The following ASMTL variants were observed in gnomAD, a reference collection of about 807,000 sequenced individuals.
ASMTL encodes acetylserotonin O-methyltransferase like.
Under a neutral mutation model 60.3 loss-of-function variants are expected in ASMTL, and 57 were observed. That is an observed-to-expected ratio of 0.95 (90% CI 0.76 to 1.18). The LOEUF (loss-of-function observed/expected upper bound fraction) is 1.18, where lower values mean the gene tolerates loss of function less well. ASMTL is among the 50% of genes most tolerant of loss of function. The pLI is 0.00. For synonymous variants in ASMTL, 419 were observed against 373.0 expected, an observed-to-expected ratio of 1.12 and a Z score of -1.42; for missense variants, 981 against 852.6, an observed-to-expected ratio of 1.15 and a Z score of -1.88.
chrX:1,415,839 C>T (rs770073177), intron 11 of ASMTL, among the ~76,000 whole-genome samples: 39 of 152,230 alleles, frequency 2.6e-4, no homozygotes, highest in African/African-American at 8.4e-4. Context: ...GACCCACGGA[C>T]GCACAGACAC....
At chrX:1,417,482 C>T (rs6645289) in intron 11 of ASMTL, among the ~76,000 whole-genome samples, 37,801 of 149,068 alleles carry the variant, frequency 0.25, 5,079 homozygotes, top group Non-Finnish European at 0.3. Flanking sequence ...TACATATGCA[C>T]GGAAGACACA....
At chrX:1,429,302 A>C (rs2090704926) in intron 6 of ASMTL, among the ~76,000 whole-genome samples, 1 of 150,784 alleles carries the variant, frequency 6.6e-6, no homozygotes, top group Non-Finnish European at 1.5e-5. Context: ...GCTCCCTCAA[A>C]ATTCTGGGCT....
intron 8 of ASMTL, among the ~76,000 whole-genome samples, chrX:1,424,554 A>G (rs376400364): frequency 0.038 from 3,521 of 92,132 alleles, 144 homozygotes; most frequent in African/African-American, 0.099. Flanking sequence ...CCATCCATCC[A>G]TCCATCTGTC....
intron 7 of ASMTL, among the ~76,000 whole-genome samples, chrX:1,426,704 T>G (rs1215675757): frequency 1.3e-5 from 2 of 152,162 alleles, no homozygotes; most frequent in African/African-American, 4.8e-5. Context: ...AGTACAAAAA[T>G]TAGCCGGGCT....
At chrX:1,431,678 A>G (rs189309425) in intron 6 of ASMTL, among the ~76,000 whole-genome samples, 9 of 147,352 alleles carry the variant, frequency 6.1e-5, no homozygotes, top group African/African-American at 2.2e-4. Context: ...TATAATTAAT[A>G]GAATATATAA....
At chrX:1,443,107 T>TCATCGTGGACACACACCGC (rs1569534691) in intron 1 of ASMTL, among the ~76,000 whole-genome samples, 9 of 67,164 alleles carry the variant, frequency 1.3e-4, no homozygotes, top group South Asian at 7.3e-4. Context: ...ACACACACCG[T>TCATCGTGGACACACACCGC]CGTCGTGGAC....
In ASMTL at chrX:1,403,585, G is replaced by A. The variant is rs73618967; in HGVS notation, c.1646-96C>T. On this transcript the variant is annotated intron_variant, in intron 12 of 12. Transcript: ENST00000381317. ...ACAGCAGGCAACAGGAGCTCAGAAC[G>A]GTGAGCAGAGGCTGCTGAGAACCCT... 6,431 of 1,135,924 alleles carry A rather than the reference G, an allele frequency of 5.7e-3. 270 individuals carry two copies. The African/African-American group carries it at 0.085, about 15-fold the overall frequency. 70.4% of individuals were successfully genotyped at this position (1,135,924 alleles called of 1,614,324 possible). A position where few individuals can be genotyped will look rare whatever the true frequency, so the allele number is the denominator to read the frequency against.
chrX:1,424,286 A>G (rs2090553264), intron 8 of ASMTL, among the ~76,000 whole-genome samples: 1 of 146,356 alleles, frequency 6.8e-6, no homozygotes, highest in Admixed American at 6.9e-5. Flanking sequence ...CCATCCACCC[A>G]TCCAACCACC....
chrX:1,420,265 A>G (rs1291842823), intron 9 of ASMTL, among the ~76,000 whole-genome samples: 6 of 142,322 alleles, frequency 4.2e-5, no homozygotes, highest in Admixed American at 3.5e-4. Context: ...GTCTCACTCT[A>G]TCTCTGTCTC....
At chrX:1,435,326 G>T in intron 4 of ASMTL, 1 of 620,284 alleles carries the variant, frequency 1.6e-6, no homozygotes, top group Non-Finnish European at 2.9e-6. Context: ...GCAGCTCTCA[G>T]CTGGGCCTAT....
intron 6 of ASMTL, among the ~76,000 whole-genome samples, chrX:1,429,084 G>A (rs1235126297): frequency 6.6e-6 from 1 of 151,514 alleles, no homozygotes; most frequent in Non-Finnish European, 1.5e-5. Flanking sequence ...TAGTAGAGAC[G>A]GGGTTTCACC....
chrX:1,442,482 C>G (rs1476569460), intron 1 of ASMTL, 165 bp from the exon 2 acceptor site: 2 of 302,624 alleles, frequency 6.6e-6, no homozygotes, highest in African/African-American at 4.5e-5. Flanking sequence ...GGCTGGGGAG[C>G]CGGGGACTGA....
intron 3 of ASMTL, 110 bp from the exon 4 acceptor site, chrX:1,435,868 C>CA: frequency 2.1e-6 from 2 of 952,484 alleles, no homozygotes; most frequent in Admixed American, 3.6e-5. Flanking sequence ...ATGAAGCTGA[C>CA]ACGTCCTGAG....
intron 6 of ASMTL, among the ~76,000 whole-genome samples, chrX:1,430,633 G>T (rs1392318300): frequency 1.3e-5 from 2 of 151,668 alleles, no homozygotes; most frequent in Non-Finnish European, 1.5e-5. Context: ...TTAGCCAGGC[G>T]TGGTGGTATG....
At chrX:1,449,736 C>A (rs1274453666) in intron 1 of ASMTL, among the ~76,000 whole-genome samples, 3 of 137,366 alleles carry the variant, frequency 2.2e-5, no homozygotes, top group Non-Finnish European at 3.0e-5. Flanking sequence ...TCACCAGTAA[C>A]TATCCCCCAT....
At chrX:1,419,611 C>T (rs1299345563) in intron 9 of ASMTL, among the ~76,000 whole-genome samples, 2 of 152,050 alleles carry the variant, frequency 1.3e-5, no homozygotes, top group Non-Finnish European at 1.5e-5. Flanking sequence ...GTGGCACCTA[C>T]CCCGGGTCCC....
At chrX:1,432,240 C>A (rs1389768264) in intron 6 of ASMTL, 29 bp downstream of exon 6, 2 of 1,563,988 alleles carry the variant, frequency 1.3e-6, no homozygotes, top group East Asian at 4.5e-5. Context: ...ACACGTGTCC[C>A]CCGTCCCCCC....
chrX:1,417,619 A>T (rs1402330731), intron 11 of ASMTL, among the ~76,000 whole-genome samples: 1 of 151,776 alleles, frequency 6.6e-6, no homozygotes, highest in Non-Finnish European at 1.5e-5. Flanking sequence ...GCAGACACAC[A>T]CACACAGACA....
intron 11 of ASMTL, chrX:1,414,128 C>G (rs1243759151): frequency 2.0e-5 from 3 of 151,190 alleles, no homozygotes; most frequent in African/African-American, 7.3e-5. Context: ...AGGAGAAGGC[C>G]ACGTGGAGAT....
Sources: gnomAD v4.1 joint callset for allele counts (sites outside exome capture counted in the v4.1 genomes callset) on GRCh38, gnomAD v4.1.1 for gene constraint, MANE v1.5 for transcripts, NCBI Gene and HGNC (gene_info 2026-07-23, HGNC 2026-07-21) for gene names.